Variants in SV2A observed in about 807,000 individuals in gnomAD.
The protein encoded by SV2A is solute carrier family 22 member B1.
Under a neutral mutation model 78.0 loss-of-function variants are expected in SV2A, and 25 were observed. The ratio of observed to expected loss-of-function variants is 0.32; its 90% CI spans 0.23 to 0.45. The LOEUF (loss-of-function observed/expected upper bound fraction) is 0.45, where lower values mean the gene tolerates loss of function less well. Ranked by LOEUF, SV2A falls within the 20% of genes least tolerant of loss-of-function variation. SV2A has a pLI of 1.00. For missense variants in SV2A, 752 were observed against 971.5 expected (o/e 0.77, Z 3.00); for synonymous variants, 355 against 384.7 (o/e 0.92, Z 0.90).
chr1:149,915,450 G>A (rs782361745), intron 1 of SV2A, among the ~76,000 whole-genome samples: 20 of 152,190 alleles, frequency 1.3e-4, no homozygotes, highest in Non-Finnish European at 2.8e-4. Context: ...TAAAGTGGAG[G>A]AAAGATGGAA....
At position 149,909,560 on chromosome 1, in the gene SV2A, A is replaced by C; in HGVS notation, c.1191T>G (p.Ile397Met). 2 of 1,613,854 alleles carry C rather than the reference A, an allele frequency of 1.2e-6. No individual in the cohort carries two copies. The highest frequency in any genetic ancestry group is 1.7e-6 in the Non-Finnish European group (2 of 1,179,930). Residue 397 changes from isoleucine (I) to methionine (M), a missense_variant, in exon 7 of 13, where the codon ATT becomes ATG. By Grantham distance (10) the Ile-to-Met change is conservative (BLOSUM62 1). This residue lies in a region of SV2A where 136 missense variants were observed against 132.3 expected (regional missense o/e 1.03). Transcript: ENST00000369146. ...HPERVFSVTHIKTIHQEDELI... is the reference protein window; with the variant it reads ...HPERVFSVTHMKTIHQEDELI... ...ATTCATCCTCCTGATGAATCGTCTTAATGTGGGTTACCTGGGGTCAAGAGA... is the reference window on the plus strand; with the variant it reads ...ATTCATCCTCCTGATGAATCGTCTTCATGTGGGTTACCTGGGGTCAAGAGA...
chr1:149,907,709 A>G lies in SV2A; in HGVS notation c.1669T>C (p.Tyr557His). The G allele has an allele frequency of 6.2e-7, 1 of 1,613,962 alleles. No individual in the cohort carries two copies. Among genetic ancestry groups the G allele is most frequent in the Non-Finnish European group, 8.5e-7 (1 of 1,179,902 alleles). ...RNCTFINTVFYNTDLFEYKFV... is the reference protein window; with the variant it reads ...RNCTFINTVFHNTDLFEYKFV... ...AGCCACCCCGCCTTACCAGTGTTATAGAACACAGTGTTGATGAATGTGCAG... is the reference window on the plus strand; with the variant it reads ...AGCCACCCCGCCTTACCAGTGTTATGGAACACAGTGTTGATGAATGTGCAG... Residue 557 changes from tyrosine (Y) to histidine (H), a missense_variant, in exon 10 of 13, where the codon TAT (tyrosine) becomes CAT (histidine). Tyr to His is a moderately conservative substitution (Grantham distance 83). Around this residue, in one of 7 missense-constraint regions of SV2A, gnomAD observed 186 missense variants for 274.6 expected, o/e 0.68. Transcript: ENST00000369146.
At chr1:149,906,908 G>C in intron 10 of SV2A, 52 bp from the exon 11 acceptor site, 1 of 1,602,456 alleles carries the variant, frequency 6.2e-7, no homozygotes, top group South Asian at 1.1e-5. Flanking sequence ...GGGAGAGGGA[G>C]GCTGTTACGG....
chr1:149,907,063 G>C, intron 10 of SV2A: 3 of 866,886 alleles, frequency 3.5e-6, no homozygotes, highest in Non-Finnish European at 2.8e-6. Flanking sequence ...CTGTCCAACA[G>C]TGTGACTTTG....
At chr1:149,908,565 C>A (rs2092454005) in intron 8 of SV2A, among the ~76,000 whole-genome samples, 1 of 152,210 alleles carries the variant, frequency 6.6e-6, no homozygotes, top group Non-Finnish European at 1.5e-5. Context: ...CACCCCAGCC[C>A]AAGCCCCAAG....
At chr1:149,908,299 C>A in intron 8 of SV2A, 93 bp from the exon 9 acceptor site, 1 of 1,428,948 alleles carries the variant, frequency 7.0e-7, no homozygotes, top group Non-Finnish European at 9.6e-7. Flanking sequence ...AAATGTGTAT[C>A]ATCTCAGAAC....
intron 10 of SV2A, 130 bp downstream of exon 10, chr1:149,907,570 C>T: frequency 8.4e-7 from 1 of 1,184,958 alleles, no homozygotes; most frequent in Non-Finnish European, 1.1e-6. Flanking sequence ...TATCAGGCCC[C>T]TCTGCCACCT....
intron 8 of SV2A, among the ~76,000 whole-genome samples, chr1:149,908,848 T>C (rs587618786): frequency 6.6e-6 from 1 of 152,188 alleles, no homozygotes; most frequent in Admixed American, 6.5e-5. Flanking sequence ...GTAGCCAGGA[T>C]GGTCTCGATC....
rs1553762796 is a variant in SV2A at position 149,906,651 on chromosome 1, A to C, written c.1884T>G (p.Leu628=). The C allele has an allele frequency of 1.2e-6, 2 of 1,613,972 alleles. No individual in the cohort carries two copies. The highest frequency in any genetic ancestry group is 1.7e-6 in the Non-Finnish European group (2 of 1,179,972). Residue 628 remains leucine, a splice_region_variant and synonymous_variant, in exon 11 of 13, where the codon CTT becomes CTG. Coordinates refer to ENST00000369146, the MANE Select transcript of SV2A (RefSeq NM_014849.5). ...TCTGACTCAGCCTCTCCCCCTTACCAAGCATTCTGAGCCTGCCGATCTTGT... is the reference window on the plus strand; with the variant it reads ...TCTGACTCAGCCTCTCCCCCTTACCCAGCATTCTGAGCCTGCCGATCTTGT... The part of the protein sequence containing the change: ...LMDKIGRLRM[L]AGSSVMSCVS...
At chr1:149,914,436 C>G (rs1295313291) in intron 1 of SV2A, among the ~76,000 whole-genome samples, 3 of 152,194 alleles carry the variant, frequency 2.0e-5, no homozygotes, top group Non-Finnish European at 4.4e-5. Context: ...TCGCAGTCAC[C>G]TACCCCCAAA....
rs950944114 is a variant in SV2A, at chr1:149,904,184, T to C, written c.*830A>G. 1 of 152,634 alleles carries C rather than the reference T, an allele frequency of 6.6e-6. No individual in the cohort carries two copies. Among genetic ancestry groups the C allele is most frequent in the African/African-American group, 2.4e-5 (1 of 41,428 alleles). 9.5% of individuals were successfully genotyped at this position (152,634 alleles called of 1,614,324 possible). On this transcript the variant is annotated 3_prime_UTR_variant, in exon 13 of 13. Coordinates refer to ENST00000369146, the MANE Select transcript of SV2A (RefSeq NM_014849.5). ...ATCTCCCTAGACTGTGGGACTCTTA[T>C]CCCAGGCTGGCCTAGGGCTCCTCCA...
chr1:149,908,678 C>T (rs1186379153), intron 8 of SV2A, among the ~76,000 whole-genome samples: 1 of 152,106 alleles, frequency 6.6e-6, no homozygotes, highest in Non-Finnish European at 1.5e-5. Flanking sequence ...CGCTCTGTCA[C>T]CCAGGCTGGA....
At chr1:149,909,634 C>G (rs1244541869) in intron 6 of SV2A, 63 bp from the exon 7 acceptor site, 1 of 1,526,530 alleles carries the variant, frequency 6.6e-7, no homozygotes, top group Non-Finnish European at 9.1e-7. Context: ...GGCCAGGCGC[C>G]TCAGTTTCCC....
intron 5 of SV2A, 87 bp from the exon 6 acceptor site, chr1:149,909,977 T>A: frequency 7.9e-7 from 1 of 1,268,338 alleles, no homozygotes; most frequent in Non-Finnish European, 1.1e-6. Context: ...CTGGCTTCTG[T>A]AGTCACAGGA....
rs782019170 is a variant in SV2A, at chr1:149,910,895, G to A, written c.886C>T (p.Leu296Phe). The A allele has an allele frequency of 6.2e-7, 1 of 1,614,108 alleles. No individual in the cohort carries two copies. Among genetic ancestry groups the A allele is most frequent in the African/African-American group, 1.3e-5 (1 of 74,934 alleles). The change falls in exon 4 of 13, where the codon CTC (leucine) becomes TTC (phenylalanine). Residue 296 changes from leucine (L) to phenylalanine (F), a missense_variant. By Grantham distance (22) the Leu-to-Phe change is conservative. This residue lies in a region of SV2A where 43 missense variants were observed against 70.8 expected (regional missense o/e 0.61). Coordinates refer to ENST00000369146, the MANE Select transcript of SV2A (RefSeq NM_014849.5). The surrounding 1 kb of genome is among the most constrained non-coding windows in gnomAD (Gnocchi z 4.2). ...CCACCAATCATCCAAAACATGCAGA[G>A]CCAGCTCAAATGCTCCCCTCGTTTC... ...QEKRGEHLSW[L>F]CMFWMIGGVY...
intron 1 of SV2A, among the ~76,000 whole-genome samples, chr1:149,915,382 A>G (rs1005547098): frequency 6.6e-6 from 1 of 152,166 alleles, no homozygotes; most frequent in Non-Finnish European, 1.5e-5. Flanking sequence ...CTGGGCCCAC[A>G]TTAACTACCT....
chr1:149,906,206 C>T (rs2092437165), intron 11 of SV2A, among the ~76,000 whole-genome samples, 167 bp from the exon 12 acceptor site: 1 of 152,174 alleles, frequency 6.6e-6, no homozygotes, highest in Non-Finnish European at 1.5e-5. Flanking sequence ...CCTCAACCTC[C>T]CTTATAATTG....
At chr1:149,912,129 G>T in intron 2 of SV2A, 149 bp from the exon 3 acceptor site, 1 of 780,412 alleles carries the variant, frequency 1.3e-6, no homozygotes, top group Non-Finnish European at 2.0e-6. Context: ...GAAAATGAAT[G>T]GTGTAAGCAA....
intron 11 of SV2A, 60 bp from the exon 12 acceptor site, chr1:149,906,099 C>T: frequency 6.3e-7 from 1 of 1,579,918 alleles, no homozygotes; most frequent in East Asian, 2.3e-5. Context: ...CACCCACAGC[C>T]CACCCTGTCC....
Sources: allele counts gnomAD v4.1 joint callset (sites outside exome capture counted in the v4.1 genomes callset), GRCh38; gene constraint gnomAD v4.1.1; regional missense constraint gnomAD v4.1.1; non-coding constraint Gnocchi (gnomAD v3.1); transcripts MANE v1.5; gene names NCBI Gene and HGNC (gene_info 2026-07-23, HGNC 2026-07-21).